PUDP: variants seen among roughly 807,000 people sequenced by gnomAD.
The protein encoded by PUDP is pseudouridine-5'-phosphatase.
A neutral mutation model predicts 9.4 loss-of-function variants in PUDP; 8 were observed. The observed-to-expected ratio is 0.85, with a 90% CI of 0.50 to 1.53. The LOEUF (loss-of-function observed/expected upper bound fraction) is 1.53. Among genes scored for constraint, PUDP ranks in the 40% most tolerant of loss-of-function variants. The pLI is 0.00. For missense variants in PUDP, 188 were observed against 189.7 expected, an observed-to-expected ratio of 0.99 and a Z score of 0.05; for synonymous variants, 99 against 80.7, an observed-to-expected ratio of 1.23 and a Z score of -1.22.
intron 3 of PUDP, among the ~76,000 whole-genome samples, chrX:6,942,688 C>G (rs1047865387): frequency 8.9e-6 from 1 of 112,131 alleles, no homozygotes; most frequent in Non-Finnish European, 1.9e-5. Context: ...TCAAGGATCT[C>G]AAGATGCAAT....
intron 2 of PUDP, among the ~76,000 whole-genome samples, chrX:7,083,595 G>A (rs953274273): frequency 2.2e-4 from 24 of 111,077 alleles, no homozygotes; most frequent in African/African-American, 5.9e-4. Context: ...GCTCTTTCTC[G>A]TTCCTTAGAA....
chrX:6,839,167 C>CTGAA (rs1353373213), intron 3 of PUDP, among the ~76,000 whole-genome samples: 1 of 111,521 alleles, frequency 9.0e-6, no homozygotes, highest in Admixed American at 9.5e-5. Context: ...GTTTATTGCA[C>CTGAA]ATTTTTTTCA....
chrX:7,077,188 G>A (rs753487646), intron 3 of PUDP, 32 bp downstream of exon 3: 7 of 1,167,084 alleles, frequency 6.0e-6, no homozygotes, highest in Admixed American at 5.2e-5. Context: ...CATGGTTGTG[G>A]AACACGGCCC....
intron 3 of PUDP, among the ~76,000 whole-genome samples, chrX:6,841,150 T>G (rs1446546182): frequency 2.8e-5 from 3 of 108,696 alleles, no homozygotes; most frequent in African/African-American, 1.0e-4. Context: ...GGCGGCGCAC[T>G]CCTGTAATCC....
chrX:7,089,207 T>C (rs1569156898), intron 2 of PUDP, among the ~76,000 whole-genome samples: 1 of 111,551 alleles, frequency 9.0e-6, no homozygotes, highest in Admixed American at 9.5e-5. Flanking sequence ...TCGAAGTTAC[T>C]ACCTGTAGTC....
At chrX:7,029,914 T>C (rs1929769992) in intron 1 of PUDP, among the ~76,000 whole-genome samples, 2 of 110,986 alleles carry the variant, frequency 1.8e-5, no homozygotes, top group Admixed American at 1.9e-4. Flanking sequence ...ACATTTTTTT[T>C]CTAAAGCTCT....
intron 3 of PUDP, among the ~76,000 whole-genome samples, chrX:6,956,368 T>C (rs1402047755): frequency 9.2e-6 from 1 of 108,276 alleles, no homozygotes; most frequent in Non-Finnish European, 1.9e-5. Context: ...GGGGCAAACA[T>C]TGCTCCTTAG....
chrX:6,738,185 T>G (rs1006907104), intron 3 of PUDP, among the ~76,000 whole-genome samples: 1 of 111,463 alleles, frequency 9.0e-6, no homozygotes, highest in African/African-American at 3.3e-5. Flanking sequence ...TCATCTAATT[T>G]AGTCCATGTA....
At chrX:6,835,689 A>G in intron 3 of PUDP, among the ~76,000 whole-genome samples, 1 of 111,301 alleles carries the variant, frequency 9.0e-6, no homozygotes, top group Middle Eastern at 4.6e-3. Flanking sequence ...GAGACTGTTA[A>G]TTTCACCACT....
chrX:6,962,363 A>G (rs1928721396), intron 3 of PUDP, among the ~76,000 whole-genome samples: 1 of 112,510 alleles, frequency 8.9e-6, no homozygotes, highest in East Asian at 2.8e-4. Context: ...AATAAATTTA[A>G]CAAGCTCACA....
chrX:6,996,031 C>T (rs1157580180), intron 1 of PUDP, among the ~76,000 whole-genome samples: 1 of 110,415 alleles, frequency 9.1e-6, no homozygotes, highest in East Asian at 2.9e-4. Context: ...CAATACAATA[C>T]TCCTGTGTAA....
intron 3 of PUDP, among the ~76,000 whole-genome samples, chrX:6,806,643 A>T (rs1318446512): frequency 9.0e-6 from 1 of 111,686 alleles, no homozygotes; most frequent in African/African-American, 3.2e-5. Context: ...TGAGATTTTT[A>T]TGATGGCTTT....
chrX:6,933,382 A>AG (rs1208152708), intron 3 of PUDP, among the ~76,000 whole-genome samples: 1 of 111,726 alleles, frequency 9.0e-6, no homozygotes, highest in Non-Finnish European at 1.9e-5. Context: ...ACAGGTCTGG[A>AG]GTGGACCTCT....
At chrX:7,017,505 C>T (rs1257225148) in intron 1 of PUDP, among the ~76,000 whole-genome samples, 5 of 112,597 alleles carry the variant, frequency 4.4e-5, no homozygotes, top group African/African-American at 1.6e-4. Context: ...TTTCAGTTTT[C>T]CTGCTGTTAA....
chrX:7,135,204 A>G (rs1932712705), intron 1 of PUDP, among the ~76,000 whole-genome samples: 1 of 112,098 alleles, frequency 8.9e-6, no homozygotes, highest in Non-Finnish European at 1.9e-5. Context: ...TGAGAGGTGC[A>G]GTGAGAGCCC....
chrX:6,933,083 T>G (rs1315822019), intron 3 of PUDP, among the ~76,000 whole-genome samples: 2 of 110,337 alleles, frequency 1.8e-5, no homozygotes, highest in African/African-American at 6.6e-5. Context: ...TCTGCAGACT[T>G]AAATGTCCCT....
chrX:6,864,129 G>A (rs1039307815), intron 3 of PUDP, among the ~76,000 whole-genome samples: 6 of 110,964 alleles, frequency 5.4e-5, no homozygotes, highest in Non-Finnish European at 7.6e-5. Flanking sequence ...AGTTGAAATC[G>A]GTGAATAGGA....
intron 1 of PUDP, among the ~76,000 whole-genome samples, chrX:7,030,314 G>A (rs1447876020): frequency 9.0e-6 from 1 of 110,991 alleles, no homozygotes; most frequent in Non-Finnish European, 1.9e-5. Flanking sequence ...CCCATGGTGT[G>A]CTAGATCCAC....
chrX:7,141,662 G>A (rs1265266356), intron 1 of PUDP, among the ~76,000 whole-genome samples: 1 of 112,928 alleles, frequency 8.9e-6, no homozygotes, highest in Non-Finnish European at 1.9e-5. Context: ...TTTCAATGTA[G>A]ACAAAACAGC....
Sources: gnomAD v4.1 joint callset for allele counts (sites outside exome capture counted in the v4.1 genomes callset) on GRCh38, gnomAD v4.1.1 for gene constraint, MANE v1.5 for transcripts, NCBI Gene and HGNC (gene_info 2026-07-23, HGNC 2026-07-21) for gene names.